Variants in CFAP92 observed in about 807,000 individuals in gnomAD.
CFAP92 encodes the protein uncharacterized protein CFAP92.
CFAP92 carries 86 observed loss-of-function variants against 106.3 expected under a neutral mutation model. That is an observed-to-expected ratio of 0.81 (90% CI 0.68 to 0.97). CFAP92 has a LOEUF of 0.97. Among genes scored for constraint, CFAP92 ranks in the 50% least tolerant of loss-of-function variants. The pLI, the probability that CFAP92 is intolerant of heterozygous loss-of-function variation, is 0.00. For missense variants in CFAP92, 1,204 were observed against 1,283.8 expected (o/e 0.94, Z 0.95); for synonymous variants, 477 against 506.4 (o/e 0.94, Z 0.78).
rs1402201783 is a variant in CFAP92 at position 128,965,498 on chromosome 3, G to A, written c.1353+13C>T. 7 of 398,930 alleles carry A rather than the reference G, an allele frequency of 1.8e-5. No homozygotes were observed. Among genetic ancestry groups the A allele is most frequent in the South Asian group, 1.3e-4 (1 of 7,844 alleles). 24.7% of individuals were successfully genotyped at this position (398,930 alleles called of 1,614,324 possible). On this transcript the variant is annotated intron_variant, in intron 9 of 15. Transcript: ENST00000645291. ...GAGGAGCTCTAAACTCCATGGGTCC[G>A]GCTCATTCTTACCTCTAGTTCCTGA...
intron 15 of CFAP92, 24 bp from the exon 16 acceptor site, chr3:128,910,357 C>T (rs1260485004): frequency 6.8e-7 from 1 of 1,465,298 alleles, no homozygotes; most frequent in Non-Finnish European, 9.0e-7. Flanking sequence ...GGGTGAGTGA[C>T]AGGGGTTCCT....
intron 10 of CFAP92, among the ~76,000 whole-genome samples, chr3:128,941,772 C>T (rs1403851743): frequency 2.6e-5 from 4 of 152,154 alleles, no homozygotes; most frequent in Admixed American, 6.5e-5. Flanking sequence ...CCACTGTGCC[C>T]GGCCCACCCT....
chr3:128,941,992 G>A (rs1218389528), intron 10 of CFAP92, among the ~76,000 whole-genome samples: 1 of 152,074 alleles, frequency 6.6e-6, no homozygotes, highest in African/African-American at 2.4e-5. Flanking sequence ...TCTGCCACTG[G>A]AAAAAGCTTT....
chr3:128,964,435 T>G (rs183974494), intron 9 of CFAP92, among the ~76,000 whole-genome samples: 91 of 152,324 alleles, frequency 6.0e-4, no homozygotes, highest in African/African-American at 2.0e-3. Flanking sequence ...TATTCACCGT[T>G]CTCAACTACT....
chr3:128,930,885 C>G, intron 12 of CFAP92, among the ~76,000 whole-genome samples: 1 of 152,100 alleles, frequency 6.6e-6, no homozygotes, highest in Non-Finnish European at 1.5e-5. Context: ...CAAATACTCT[C>G]AACATTGTTT....
the CFAP92 span, among the ~76,000 whole-genome samples, chr3:129,008,396 A>T: frequency 6.6e-6 from 1 of 152,076 alleles, no homozygotes; most frequent in African/African-American, 2.4e-5. Flanking sequence ...CTTGATTTTG[A>T]CTTTGGCTCT....
chr3:128,953,497 A>G (rs1329238214), intron 9 of CFAP92, among the ~76,000 whole-genome samples: 4 of 151,862 alleles, frequency 2.6e-5, no homozygotes, highest in African/African-American at 9.7e-5. Flanking sequence ...CCAGGGCGAC[A>G]GAGCAAGACT....
chr3:128,976,158 GC>G (rs1290741146), intron 6 of CFAP92, among the ~76,000 whole-genome samples: 1 of 151,962 alleles, frequency 6.6e-6, no homozygotes, highest in Non-Finnish European at 1.5e-5. Flanking sequence ...CCCCCCTAAT[GC>G]TGACACACTT....
chr3:128,932,780 G>A lies in CFAP92; in HGVS notation c.2671C>T (p.His891Tyr). 6.5e-7 allele frequency: 1 copy of A among 1,536,194 alleles called. No homozygotes were observed. Among genetic ancestry groups the A allele is most frequent in the Non-Finnish European group, 8.7e-7 (1 of 1,146,926 alleles). Reference sequence around the variant, plus strand: ...TGCAGGTACTTCTCCTGGTGGGCGTGGATCTCTAAGGTGAGGGTGGAGTTC... The same window carrying A: ...TGCAGGTACTTCTCCTGGTGGGCGTAGATCTCTAAGGTGAGGGTGGAGTTC... ...SRNSTLTLEI[H>Y]AHQEKYLQWR... Residue 891 changes from histidine (H) to tyrosine (Y), a missense_variant, in exon 12 of 16, where the codon CAC (histidine) becomes TAC (tyrosine). His to Tyr is a moderately conservative substitution (Grantham distance 83, BLOSUM62 2). Coordinates refer to ENST00000645291, the MANE Select transcript of CFAP92 (RefSeq NM_001394090.1).
intron 12 of CFAP92, among the ~76,000 whole-genome samples, chr3:128,927,980 C>T (rs1194785449): frequency 7.2e-5 from 11 of 152,238 alleles, no homozygotes; most frequent in South Asian, 4.2e-4. Flanking sequence ...CCGCCAGGTG[C>T]GGTGGCTCAA....
chr3:128,977,803 G>A (rs537674500), intron 5 of CFAP92, among the ~76,000 whole-genome samples: 1 of 152,226 alleles, frequency 6.6e-6, no homozygotes, highest in Non-Finnish European at 1.5e-5. Context: ...AGGTTGCAGT[G>A]AGCCAAGATC....
chr3:128,966,952 CAAAA>C (rs560208691), intron 8 of CFAP92: 4 of 151,780 alleles, frequency 2.6e-5, no homozygotes, highest in Admixed American at 2.0e-4. Flanking sequence ...AACAAATAAA[CAAAA>C]AAAATCACCT....
At chr3:128,978,005 C>T (rs1943267999) in intron 5 of CFAP92, 40 bp downstream of exon 5, 25 of 1,612,294 alleles carry the variant, frequency 1.6e-5, no homozygotes, top group Non-Finnish European at 2.1e-5. Flanking sequence ...CCTGCCATCG[C>T]CTTGCACTCA....
At chr3:128,916,016 T>A in intron 13 of CFAP92, 91 bp downstream of exon 13, 2 of 932,710 alleles carry the variant, frequency 2.1e-6, no homozygotes, top group Non-Finnish European at 2.8e-6. Context: ...TCTGTATAGT[T>A]GAGATCCCCC....
intron 12 of CFAP92, among the ~76,000 whole-genome samples, chr3:128,919,755 G>A (rs1937115880): frequency 6.6e-6 from 1 of 152,208 alleles, no homozygotes; most frequent in Admixed American, 6.5e-5. Flanking sequence ...AAGCTAAGGA[G>A]GTATTTTGGA....
chr3:128,990,047 C>T (rs1399477424), intron 2 of CFAP92, among the ~76,000 whole-genome samples: 1 of 152,150 alleles, frequency 6.6e-6, no homozygotes, highest in Non-Finnish European at 1.5e-5. Context: ...CACATATATG[C>T]ACAAAAATGG....
chr3:129,023,310 C>CTTTTTTTT, the CFAP92 span, among the ~76,000 whole-genome samples: 1 of 138,168 alleles, frequency 7.2e-6, no homozygotes. Flanking sequence ...CCTCTTGCTT[C>CTTTTTTTT]TTTTTTTTTT....
At chr3:128,987,417 C>T in intron 4 of CFAP92, among the ~76,000 whole-genome samples, 199 bp downstream of exon 4, 1 of 152,032 alleles carries the variant, frequency 6.6e-6, no homozygotes, top group East Asian at 1.9e-4. Flanking sequence ...TTCAAGAACA[C>T]TGCCCACCAC....
At chr3:128,964,509 A>G (rs562680984) in intron 9 of CFAP92, among the ~76,000 whole-genome samples, 2 of 152,282 alleles carry the variant, frequency 1.3e-5, no homozygotes, top group Middle Eastern at 3.4e-3. Flanking sequence ...ATCACAGCTG[A>G]TATCTCCTGG....
Sources: allele counts gnomAD v4.1 joint callset (sites outside exome capture counted in the v4.1 genomes callset), GRCh38; gene constraint gnomAD v4.1.1; transcripts MANE v1.5; gene names NCBI Gene and HGNC (gene_info 2026-07-23, HGNC 2026-07-21).